Variants in ANKRD12 observed in about 807,000 individuals in gnomAD.
ANKRD12 encodes the protein ankyrin repeat domain-containing protein 12.
A neutral mutation model predicts 183.4 loss-of-function variants in ANKRD12; 85 were observed. The ratio of observed to expected loss-of-function variants is 0.46; its 90% CI spans 0.39 to 0.56. ANKRD12 has a LOEUF of 0.56. Among genes scored for constraint, ANKRD12 ranks in the 20% least tolerant of loss-of-function variants. The pLI, the probability that ANKRD12 is intolerant of heterozygous loss-of-function variation, is 0.00. For missense variants in ANKRD12, 2,405 were observed against 2,357.1 expected, an observed-to-expected ratio of 1.02 and a Z score of -0.42; for synonymous variants, 914 against 800.2, an observed-to-expected ratio of 1.14 and a Z score of -2.40.
At chr18:9,149,793 A>ATTTTTTTTTTTTTTTTTTTTT (rs11403682) in intron 1 of ANKRD12, among the ~76,000 whole-genome samples, 1 of 145,056 alleles carries the variant, frequency 6.9e-6, no homozygotes, top group Non-Finnish European at 1.5e-5. Flanking sequence ...TATTTATTAA[A>ATTTTTTTTTTTTTTTTTTTTT]TTTTATTTTT....
intron 8 of ANKRD12, among the ~76,000 whole-genome samples, chr18:9,224,773 A>G (rs2036613823): frequency 1.3e-5 from 2 of 152,222 alleles, no homozygotes; most frequent in South Asian, 4.1e-4. Context: ...ATTTAGAATG[A>G]CTTAAATGCC....
intron 3 of ANKRD12, among the ~76,000 whole-genome samples, chr18:9,199,631 A>G (rs188653187): frequency 2.5e-4 from 38 of 152,336 alleles, no homozygotes; most frequent in African/African-American, 8.2e-4. Context: ...AAATGATTAT[A>G]TAAACTTTTT....
intron 1 of ANKRD12, among the ~76,000 whole-genome samples, chr18:9,149,787 T>TA (rs1483403055): frequency 6.9e-6 from 1 of 144,364 alleles, no homozygotes; most frequent in African/African-American, 2.6e-5. Context: ...TTTATTTATT[T>TA]ATTAAATTTT....
chr18:9,229,436 T>C (rs574247342), intron 8 of ANKRD12, among the ~76,000 whole-genome samples: 1 of 152,260 alleles, frequency 6.6e-6, no homozygotes, highest in East Asian at 1.9e-4. Flanking sequence ...CATGGGAGGT[T>C]TTTCCATTTG....
intron 1 of ANKRD12, among the ~76,000 whole-genome samples, chr18:9,178,681 C>CA (rs1306115813): frequency 6.6e-6 from 1 of 151,842 alleles, no homozygotes; most frequent in Non-Finnish European, 1.5e-5. Context: ...CCATAAAAAA[C>CA]AAAAAAATAG....
intron 1 of ANKRD12, among the ~76,000 whole-genome samples, chr18:9,174,274 G>T (rs1458072965): frequency 6.6e-6 from 1 of 152,224 alleles, no homozygotes; most frequent in Non-Finnish European, 1.5e-5. Flanking sequence ...CAAAGCCAGT[G>T]GGTTGAGGTG....
intron 7 of ANKRD12, among the ~76,000 whole-genome samples, chr18:9,221,084 A>AT (rs1292116367): frequency 6.6e-6 from 1 of 152,136 alleles, no homozygotes; most frequent in Non-Finnish European, 1.5e-5. Context: ...TAATACCATT[A>AT]TTTTTTTAAG....
intron 10 of ANKRD12, among the ~76,000 whole-genome samples, chr18:9,266,684 A>G (rs1224091003): frequency 5.9e-5 from 9 of 152,204 alleles, no homozygotes; most frequent in African/African-American, 2.2e-4. Flanking sequence ...AAAGACCATC[A>G]ATGCTAGGAA....
At chr18:9,206,097 G>T (rs906130781) in intron 4 of ANKRD12, among the ~76,000 whole-genome samples, 2 of 151,974 alleles carry the variant, frequency 1.3e-5, no homozygotes, top group Non-Finnish European at 2.9e-5. Flanking sequence ...ATGTTGGAGC[G>T]TTGAAAAGTC....
rs978805081 is a variant in ANKRD12, at chr18:9,257,927, G to A, written c.4660G>A (p.Val1554Ile). 8 of 1,613,862 alleles carry A rather than the reference G, an allele frequency of 5.0e-6. No individual in the cohort carries two copies. In the East Asian group the frequency reaches 6.7e-5, roughly 13 times the overall value. The change falls in exon 9 of 13, where the codon GTT (valine) becomes ATT (isoleucine). Residue 1554 changes from valine (V) to isoleucine (I), a missense_variant. By Grantham distance (29) the Val-to-Ile change is conservative. Transcript: ENST00000262126. ...AGAAAATACTTTTGTCCTAGGAGAT[G>A]TTCAAAAAACAGATGCCTTTGTCCC... is the stretch of plus-strand genomic sequence containing the variant. ...DTENTFVLGD[V>I]QKTDAFVPVY... is the part of the protein sequence containing the mutation.
Position 9,136,824 on chromosome 18 carries a change from A to T in ANKRD12, c.-193A>T, listed in dbSNP as rs2078115227. 6.6e-6 allele frequency: 1 copy of T among 152,088 alleles called. No homozygotes were observed. Among genetic ancestry groups the T allele is most frequent in the Non-Finnish European group, 1.5e-5 (1 of 68,046 alleles). The allele number at this position is 152,088 out of a possible 1,614,324, so 9.4% of individuals were successfully genotyped here. The stretch of plus-strand genomic sequence containing the variant: ...GGGAGCGAGGAGGCTGTGGTGAGAG[A>T]CGGACCGAGACCGGAGATGTTTTCA... On this transcript the variant is annotated 5_prime_UTR_variant, in exon 1 of 13. Transcript: ENST00000262126.
intron 1 of ANKRD12, among the ~76,000 whole-genome samples, chr18:9,154,489 G>A (rs1453470710): frequency 2.6e-5 from 4 of 152,128 alleles, no homozygotes; most frequent in Non-Finnish European, 4.4e-5. Flanking sequence ...TTGGGCGACC[G>A]AGGTGGGCAG....
At chr18:9,150,950 GC>G (rs2078665181) in intron 1 of ANKRD12, among the ~76,000 whole-genome samples, 1 of 129,058 alleles carries the variant, frequency 7.7e-6, no homozygotes, top group Admixed American at 8.7e-5. Flanking sequence ...ATCGCGCCCA[GC>G]CAATTTTGTG....
intron 8 of ANKRD12, among the ~76,000 whole-genome samples, chr18:9,241,891 GTTT>G (rs200351682): frequency 7.1e-4 from 99 of 138,622 alleles, no homozygotes; most frequent in Admixed American, 3.5e-3. Flanking sequence ...ATTCCAGGTA[GTTT>G]TTTTTTTTTT....
intron 3 of ANKRD12, among the ~76,000 whole-genome samples, chr18:9,198,298 GTT>G (rs1220703449): frequency 6.6e-6 from 1 of 151,990 alleles, no homozygotes; most frequent in Non-Finnish European, 1.5e-5. Context: ...AATACAAGTG[GTT>G]CAGAACAATT....
At chr18:9,238,849 CA>C (rs2037496949) in intron 8 of ANKRD12, among the ~76,000 whole-genome samples, 1 of 152,148 alleles carries the variant, frequency 6.6e-6, no homozygotes, top group African/African-American at 2.4e-5. Context: ...AGGCTGGGTG[CA>C]GTGGCTCACG....
chr18:9,142,400 T>C (rs1464622681), intron 1 of ANKRD12, among the ~76,000 whole-genome samples: 1 of 152,206 alleles, frequency 6.6e-6, no homozygotes, highest in Non-Finnish European at 1.5e-5. Flanking sequence ...TCTGGAGTAA[T>C]GTTAGATTCC....
At chr18:9,184,934 T>C (rs924222583) in intron 2 of ANKRD12, among the ~76,000 whole-genome samples, 1 of 152,172 alleles carries the variant, frequency 6.6e-6, no homozygotes, top group African/African-American at 2.4e-5. Flanking sequence ...TATACCAGTG[T>C]AATAAGCTCA....
intron 8 of ANKRD12, among the ~76,000 whole-genome samples, chr18:9,240,458 C>T (rs540725854): frequency 2.0e-5 from 3 of 152,250 alleles, no homozygotes; most frequent in East Asian, 3.9e-4. Flanking sequence ...TGCTCATAAA[C>T]CATAATCGTG....
Sources: gnomAD v4.1 joint callset for allele counts (sites outside exome capture counted in the v4.1 genomes callset) on GRCh38, gnomAD v4.1.1 for gene constraint, MANE v1.5 for transcripts, NCBI Gene and HGNC (gene_info 2026-07-23, HGNC 2026-07-21) for gene names.